CLSTN2: variants seen among roughly 807,000 people sequenced by gnomAD.
The protein encoded by CLSTN2 is calsyntenin 2, also known as calsyntenin-2.
In CLSTN2, 48 loss-of-function variants were observed where a neutral mutation model predicts 101.2. That is an observed-to-expected ratio of 0.47 (90% confidence interval 0.38 to 0.60). The LOEUF (loss-of-function observed/expected upper bound fraction) is 0.60, where lower values mean the gene tolerates loss of function less well. Ranked by LOEUF, CLSTN2 falls within the 20% of genes least tolerant of loss-of-function variation. CLSTN2 has a pLI of 0.00. For synonymous variants in CLSTN2, 481 were observed against 463.6 expected, an observed-to-expected ratio of 1.04 and a Z score of -0.48; for missense variants, 1,160 against 1,238.2, an observed-to-expected ratio of 0.94 and a Z score of 0.95.
At chr3:140,236,268 T>C (rs2086415850) in intron 2 of CLSTN2, among the ~76,000 whole-genome samples, 1 of 152,222 alleles carries the variant, frequency 6.6e-6, no homozygotes, top group African/African-American at 2.4e-5. Context: ...AGTTAATTTC[T>C]ATTTTTTAAA....
chr3:140,080,383 G>A (rs958062224), intron 1 of CLSTN2, among the ~76,000 whole-genome samples: 9 of 152,186 alleles, frequency 5.9e-5, no homozygotes, highest in Admixed American at 1.3e-4. Context: ...GTGACTGGAC[G>A]TAGTAGGTGC....
chr3:140,332,748 C>T (rs1014464599), intron 2 of CLSTN2, among the ~76,000 whole-genome samples: 12 of 151,458 alleles, frequency 7.9e-5, no homozygotes, highest in South Asian at 4.2e-4. Flanking sequence ...TTTGCCCTTC[C>T]GACAGAGATA....
chr3:140,198,757 G>A (rs762891502), intron 2 of CLSTN2, among the ~76,000 whole-genome samples: 1 of 152,198 alleles, frequency 6.6e-6, no homozygotes, highest in African/African-American at 2.4e-5. Flanking sequence ...CATTTAAAAT[G>A]TAACCATTTA....
At chr3:140,142,180 T>A (rs1037950016) in intron 1 of CLSTN2, among the ~76,000 whole-genome samples, 1 of 152,148 alleles carries the variant, frequency 6.6e-6, no homozygotes, top group Non-Finnish European at 1.5e-5. Context: ...CAGATGTGTG[T>A]TTGCGAAGTC....
At chr3:140,309,592 C>T (rs1559835209) in intron 2 of CLSTN2, among the ~76,000 whole-genome samples, 1 of 152,024 alleles carries the variant, frequency 6.6e-6, no homozygotes, top group Admixed American at 6.5e-5. Flanking sequence ...AAGGTAGGAC[C>T]TGTGGATTCC....
At chr3:140,378,020 T>C (rs2087935863) in intron 2 of CLSTN2, among the ~76,000 whole-genome samples, 1 of 152,196 alleles carries the variant, frequency 6.6e-6, no homozygotes, top group Admixed American at 6.5e-5. Flanking sequence ...ACACACGTAG[T>C]TACTATTTTA....
chr3:140,008,467 G>A (rs751829472), intron 1 of CLSTN2, among the ~76,000 whole-genome samples: 5 of 152,232 alleles, frequency 3.3e-5, no homozygotes, highest in Admixed American at 6.5e-5. Flanking sequence ...GGTGAGACAA[G>A]CCCAAGAAAG....
At chr3:140,021,696 C>T (rs2007320466) in intron 1 of CLSTN2, among the ~76,000 whole-genome samples, 1 of 152,148 alleles carries the variant, frequency 6.6e-6, no homozygotes, top group Admixed American at 6.5e-5. Context: ...AGGTCCAGAA[C>T]TTTTACTCAC....
chr3:140,005,349 C>T (rs1292940126), intron 1 of CLSTN2, among the ~76,000 whole-genome samples: 1 of 152,188 alleles, frequency 6.6e-6, no homozygotes, highest in East Asian at 1.9e-4. Context: ...TTCTCATTCT[C>T]TCTCCATTTG....
chr3:139,949,723 TG>T (rs1298020470), intron 1 of CLSTN2, among the ~76,000 whole-genome samples: 1 of 152,146 alleles, frequency 6.6e-6, no homozygotes, highest in Non-Finnish European at 1.5e-5. Context: ...ACCAAACACG[TG>T]GGAGAATATC....
At chr3:140,508,927 G>T (rs868548200) in intron 8 of CLSTN2, 2 of 151,806 alleles carry the variant, frequency 1.3e-5, no homozygotes, top group South Asian at 2.1e-4. Context: ...TTTTTTGAGT[G>T]GGGGCTCACA....
intron 2 of CLSTN2, among the ~76,000 whole-genome samples, chr3:140,345,265 T>TTTTTA (rs2087534486): frequency 2.1e-5 from 3 of 140,298 alleles, no homozygotes; most frequent in African/African-American, 7.5e-5. Context: ...TTTTTTTTTT[T>TTTTTA]GAGACAGAGT....
At chr3:140,219,481 G>A (rs2086245959) in intron 2 of CLSTN2, among the ~76,000 whole-genome samples, 1 of 152,138 alleles carries the variant, frequency 6.6e-6, no homozygotes, top group Admixed American at 6.5e-5. Context: ...AAACAAGATG[G>A]CATTTTATCT....
chr3:140,034,141 ACT>A (rs1449812812), intron 1 of CLSTN2, among the ~76,000 whole-genome samples: 2 of 152,156 alleles, frequency 1.3e-5, no homozygotes, highest in South Asian at 2.1e-4. Context: ...TCCTGAGTCA[ACT>A]CTCTATTTGT....
intron 5 of CLSTN2, among the ~76,000 whole-genome samples, chr3:140,429,548 G>A (rs1474523802): frequency 6.6e-6 from 1 of 152,170 alleles, no homozygotes; most frequent in East Asian, 1.9e-4. Context: ...ACCAGGTCAT[G>A]GAGGGAGGGC....
At chr3:140,284,176 A>G (rs1040244015) in intron 2 of CLSTN2, among the ~76,000 whole-genome samples, 7 of 152,234 alleles carry the variant, frequency 4.6e-5, no homozygotes, top group African/African-American at 1.7e-4. Context: ...CAGCAATGAC[A>G]TGTGAAATCC....
chr3:140,004,807 G>T (rs2006920970), intron 1 of CLSTN2, among the ~76,000 whole-genome samples: 1 of 151,484 alleles, frequency 6.6e-6, no homozygotes, highest in Non-Finnish European at 1.5e-5. Flanking sequence ...CAATGGAATT[G>T]TTTGTGGGGG....
chr3:140,095,378 C>G (rs571061155), intron 1 of CLSTN2, among the ~76,000 whole-genome samples: 11 of 152,314 alleles, frequency 7.2e-5, no homozygotes, highest in Non-Finnish European at 1.3e-4. Context: ...GATTGCTTAA[C>G]CATATTCTTT....
At chr3:140,140,335 T>C (rs571084686) in intron 1 of CLSTN2, among the ~76,000 whole-genome samples, 62 of 152,282 alleles carry the variant, frequency 4.1e-4, no homozygotes, top group Middle Eastern at 6.8e-3. Context: ...CTTTTGCTTC[T>C]GACGAGGCCT....
Sources: allele counts gnomAD v4.1 joint callset (sites outside exome capture counted in the v4.1 genomes callset), GRCh38; gene constraint gnomAD v4.1.1; transcripts MANE v1.5; gene names NCBI Gene and HGNC (gene_info 2026-07-23, HGNC 2026-07-21).